The following LDB2 variants were observed in gnomAD, a reference collection of about 807,000 sequenced individuals.
LDB2 encodes the protein LIM domain-binding protein 2.
Under a neutral mutation model 44.3 loss-of-function variants are expected in LDB2, and 12 were observed. The observed-to-expected ratio is 0.27, with a 90% CI of 0.17 to 0.44. The LOEUF (loss-of-function observed/expected upper bound fraction) is 0.44. LDB2 is among the 20% of genes least tolerant of loss of function. LDB2 has a pLI of 1.00. For missense variants in LDB2, 344 were observed against 473.5 expected, an observed-to-expected ratio of 0.73 and a Z score of 2.54; for synonymous variants, 164 against 174.8, an observed-to-expected ratio of 0.94 and a Z score of 0.49.
intron 5 of LDB2, among the ~76,000 whole-genome samples, chr4:16,524,226 C>G (rs149189167): frequency 9.9e-5 from 15 of 152,248 alleles, no homozygotes; most frequent in African/African-American, 3.4e-4. Flanking sequence ...GAGTGGCACT[C>G]GGGATGCAAT....
At chr4:16,575,718 A>G (rs1317379916) in intron 5 of LDB2, among the ~76,000 whole-genome samples, 1 of 152,208 alleles carries the variant, frequency 6.6e-6, no homozygotes, top group African/African-American at 2.4e-5. Flanking sequence ...TGGATCAATG[A>G]GGGAATTAAG....
intron 2 of LDB2, among the ~76,000 whole-genome samples, chr4:16,665,393 G>A (rs1048178254): frequency 6.6e-6 from 1 of 151,756 alleles, no homozygotes; most frequent in African/African-American, 2.4e-5. Flanking sequence ...AGCCTCCTGA[G>A]TAATTGGGAC....
chr4:16,769,508 C>T (rs1770148484), intron 1 of LDB2, among the ~76,000 whole-genome samples: 2 of 151,846 alleles, frequency 1.3e-5, no homozygotes, highest in East Asian at 2.0e-4. Context: ...GTTGACTAGG[C>T]TTCTCTCGAA....
At chr4:16,508,484 G>T in intron 7 of LDB2, 51 bp downstream of exon 7, 1 of 1,413,764 alleles carries the variant, frequency 7.1e-7, no homozygotes, top group Non-Finnish European at 9.4e-7. Context: ...GGCCCTTTGA[G>T]TAGGAAGCAG....
intron 1 of LDB2, among the ~76,000 whole-genome samples, chr4:16,856,872 C>A (rs1247343508): frequency 6.6e-6 from 1 of 152,170 alleles, no homozygotes; most frequent in African/African-American, 2.4e-5. Flanking sequence ...GTCATTGTAG[C>A]ATTATTTTGT....
At chr4:16,789,464 A>G (rs1378268673) in intron 1 of LDB2, among the ~76,000 whole-genome samples, 1 of 152,224 alleles carries the variant, frequency 6.6e-6, no homozygotes, top group Non-Finnish European at 1.5e-5. Flanking sequence ...TCTGAAACCA[A>G]TGTAACGAGT....
At chr4:16,799,860 T>C (rs1278823293) in intron 1 of LDB2, among the ~76,000 whole-genome samples, 1 of 152,228 alleles carries the variant, frequency 6.6e-6, no homozygotes, top group Non-Finnish European at 1.5e-5. Context: ...ATTTTTGACA[T>C]ACTTATACTA....
At chr4:16,880,154 A>AT (rs1489498721) in intron 1 of LDB2, among the ~76,000 whole-genome samples, 1 of 152,140 alleles carries the variant, frequency 6.6e-6, no homozygotes, top group Non-Finnish European at 1.5e-5. Flanking sequence ...ATTCTTCTTT[A>AT]TGCACTGTAT....
intron 2 of LDB2, among the ~76,000 whole-genome samples, chr4:16,668,932 C>T (rs1047953510): frequency 1.3e-5 from 2 of 152,144 alleles, no homozygotes; most frequent in Non-Finnish European, 2.9e-5. Flanking sequence ...CTTTTCCAAT[C>T]GCTCCTGCTA....
chr4:16,786,922 C>T (rs536966392), intron 1 of LDB2, among the ~76,000 whole-genome samples: 3 of 152,290 alleles, frequency 2.0e-5, no homozygotes, highest in South Asian at 2.1e-4. Flanking sequence ...AGACACAGTA[C>T]ACCTTTCTTC....
chr4:16,788,320 G>T (rs1774932749), intron 1 of LDB2, among the ~76,000 whole-genome samples: 1 of 152,202 alleles, frequency 6.6e-6, no homozygotes, highest in Non-Finnish European at 1.5e-5. Context: ...GGGACTTTGG[G>T]GGTGGTGATG....
intron 2 of LDB2, among the ~76,000 whole-genome samples, chr4:16,602,872 G>A (rs181644591): frequency 3.5e-4 from 54 of 152,272 alleles, no homozygotes; most frequent in Admixed American, 1.2e-3. Flanking sequence ...GGGCATGCAA[G>A]ATGTGTGTCA....
rs1383676134 is a variant in LDB2 at position 16,503,400 on chromosome 4, A to AAGAC, written c.892-531_892-528dup. ...CCAGGGATGATATACATTTTAATTG[A>AAGAC]AGACAGAATCTCTCTTTTCTCTACT... is the stretch of plus-strand genomic sequence containing the variant. On this transcript the variant is annotated intron_variant, in intron 7 of 7. Coordinates refer to ENST00000304523, the MANE Select transcript of LDB2 (RefSeq NM_001290.5). Among the ~76,000 whole-genome samples the AAGAC allele has an allele frequency of 3.9e-5, 6 of 152,208 alleles. No homozygotes were observed. In the South Asian group the frequency reaches 6.2e-4, roughly 16 times the overall value.
intron 1 of LDB2, among the ~76,000 whole-genome samples, chr4:16,779,481 C>T (rs191923328): frequency 6.6e-6 from 1 of 152,266 alleles, no homozygotes; most frequent in East Asian, 1.9e-4. Context: ...CTGCTGTTAG[C>T]CCCACCTGCC....
chr4:16,596,746 T>C (rs1721035035), intron 2 of LDB2, among the ~76,000 whole-genome samples: 1 of 152,216 alleles, frequency 6.6e-6, no homozygotes, highest in Non-Finnish European at 1.5e-5. Flanking sequence ...TCCATGTGTC[T>C]GGTCCTGTCC....
chr4:16,684,919 T>A (rs1032384141), intron 2 of LDB2, among the ~76,000 whole-genome samples: 2 of 152,226 alleles, frequency 1.3e-5, no homozygotes, highest in African/African-American at 2.4e-5. Flanking sequence ...AGCTATGAAA[T>A]GTAAATAAAT....
At chr4:16,888,083 C>A (rs866489674) in intron 1 of LDB2, among the ~76,000 whole-genome samples, 2 of 152,320 alleles carry the variant, frequency 1.3e-5, no homozygotes, top group South Asian at 4.1e-4. Context: ...AGTCCAGACA[C>A]GCAGGTGGTG....
chr4:16,707,166 C>T (rs1334112796), intron 2 of LDB2, among the ~76,000 whole-genome samples: 2 of 152,084 alleles, frequency 1.3e-5, no homozygotes, highest in African/African-American at 4.8e-5. Flanking sequence ...ATAAAATCTG[C>T]TAATTCATGT....
At chr4:16,821,170 C>G (rs1781891815) in intron 1 of LDB2, among the ~76,000 whole-genome samples, 1 of 152,162 alleles carries the variant, frequency 6.6e-6, no homozygotes, top group African/African-American at 2.4e-5. Context: ...AATTGTCTCG[C>G]TTTCTCGCTC....
Sources: gnomAD v4.1 joint callset for allele counts (sites outside exome capture counted in the v4.1 genomes callset) on GRCh38, gnomAD v4.1.1 for gene constraint, MANE v1.5 for transcripts, NCBI Gene and HGNC (gene_info 2026-07-23, HGNC 2026-07-21) for gene names.